The following ATPAF2 variants were observed in gnomAD, a reference collection of about 807,000 sequenced individuals.
The protein encoded by ATPAF2 is ATP12 homolog.
Under a neutral mutation model 36.6 loss-of-function variants are expected in ATPAF2, and 30 were observed. The observed-to-expected ratio is 0.82, with a 90% CI of 0.61 to 1.11. The LOEUF is 1.11. ATPAF2 is among the 50% of genes most tolerant of loss of function. The pLI, the probability that ATPAF2 is intolerant of heterozygous loss-of-function variation, is 0.00. For synonymous variants in ATPAF2, 140 were observed against 152.6 expected, an observed-to-expected ratio of 0.92 and a Z score of 0.61; for missense variants, 321 against 372.3, an observed-to-expected ratio of 0.86 and a Z score of 1.13.
chr17:18,038,919 G>T lies in ATPAF2; in HGVS notation c.95C>A (p.Thr32Asn). 1 of 1,613,962 alleles carries T rather than the reference G, an allele frequency of 6.2e-7. No homozygotes were observed. Among genetic ancestry groups the T allele is most frequent in the Non-Finnish European group, 8.5e-7 (1 of 1,179,892 alleles). Residue 32 changes from threonine (T) to asparagine (N), a missense_variant, in exon 1 of 8, where the codon ACC becomes AAC. Physicochemically the swap from Thr to Asn is moderately conservative, Grantham distance 65. This residue lies in a region of ATPAF2 where 69 missense variants were observed against 60.1 expected (regional missense o/e 1.15). Transcript: ENST00000474627. ...GPSASMSPGP[T>N]IPSPARAYAP... ...GTAAGCCCGGGCTGGAGACGGGATG[G>T]TTGGCCCCGGACTCATAGAAGCGCT...
chr17:18,026,151 GTCC>G, intron 4 of ATPAF2, 165 bp downstream of exon 4: 3 of 710,586 alleles, frequency 4.2e-6, no homozygotes, highest in Non-Finnish European at 7.7e-6. Flanking sequence ...AGCCCGAGGA[GTCC>G]TCCTCCTAAG....
chr17:18,027,328 A>G (rs1377496702), intron 3 of ATPAF2, among the ~76,000 whole-genome samples: 5 of 151,562 alleles, frequency 3.3e-5, no homozygotes, highest in African/African-American at 1.2e-4. Context: ...CTAGGTTGTC[A>G]AGGACCAGGC....
chr17:18,017,449 G>A (rs900193002), downstream of ATPAF2, among the ~76,000 whole-genome samples: 1 of 152,238 alleles, frequency 6.6e-6, no homozygotes, highest in African/African-American at 2.4e-5. Context: ...AGCAGGAGGA[G>A]AGGCTGCAGC....
intron 5 of ATPAF2, among the ~76,000 whole-genome samples, chr17:18,023,972 G>A (rs1208457276): frequency 6.6e-6 from 1 of 152,168 alleles, no homozygotes; most frequent in East Asian, 1.9e-4. Flanking sequence ...ATTCCTGGAA[G>A]CTACATATCC....
At chr17:18,016,480 T>C, downstream of ATPAF2, 4 of 1,087,672 alleles carry the variant, frequency 3.7e-6, no homozygotes, top group Non-Finnish European at 5.5e-6. Flanking sequence ...TATTTTCCCC[T>C]TCCCTCAAAC....
chr17:18,022,408 A>C (rs1449474936), intron 5 of ATPAF2, among the ~76,000 whole-genome samples: 1 of 152,008 alleles, frequency 6.6e-6, no homozygotes, highest in Non-Finnish European at 1.5e-5. Context: ...CAGTCTCCCA[A>C]GTAGCTGGGA....
At chr17:18,019,599 G>C (rs2044439127) in intron 7 of ATPAF2, among the ~76,000 whole-genome samples, 1 of 152,250 alleles carries the variant, frequency 6.6e-6, no homozygotes, top group Non-Finnish European at 1.5e-5. Context: ...AAAAACAAGA[G>C]GGAGGAACGC....
chr17:18,027,517 G>A (rs143286029), intron 3 of ATPAF2, among the ~76,000 whole-genome samples: 8 of 152,192 alleles, frequency 5.3e-5, no homozygotes, highest in Non-Finnish European at 1.0e-4. Flanking sequence ...CCACAGCTCC[G>A]TGAGGTGGGT....
chr17:18,035,968 T>C (rs902378897), intron 1 of ATPAF2, among the ~76,000 whole-genome samples: 1 of 152,216 alleles, frequency 6.6e-6, no homozygotes, highest in Non-Finnish European at 1.5e-5. Flanking sequence ...GCTGAATAGA[T>C]AGGTTTCTCC....
intron 4 of ATPAF2, chr17:18,026,067 C>T (rs1395633951): frequency 3.5e-6 from 2 of 577,678 alleles, no homozygotes; most frequent in Non-Finnish European, 6.2e-6. Flanking sequence ...GCAAGAGCTG[C>T]ATAACCACCC....
At chr17:18,032,725 G>C (rs1297943615) in intron 1 of ATPAF2, among the ~76,000 whole-genome samples, 1 of 152,118 alleles carries the variant, frequency 6.6e-6, no homozygotes, top group Non-Finnish European at 1.5e-5. Context: ...CACTAAACCA[G>C]GCAAACAATA....
intron 1 of ATPAF2, among the ~76,000 whole-genome samples, chr17:18,033,557 G>A (rs2044666267): frequency 6.6e-6 from 1 of 151,898 alleles, no homozygotes; most frequent in African/African-American, 2.4e-5. Flanking sequence ...AGCTTTGTAG[G>A]ATCATGCAGA....
intron 3 of ATPAF2, 55 bp downstream of exon 3, chr17:18,028,177 C>T (rs771569224): frequency 1.2e-6 from 2 of 1,612,386 alleles, no homozygotes; most frequent in African/African-American, 2.7e-5. Context: ...AAGGGTCTAC[C>T]CTACGAAGCC....
Position 18,018,511 on chromosome 17 carries a change from C to T in ATPAF2, c.*38G>A, listed in dbSNP as rs370697942. 6.2e-7 allele frequency: 1 copy of T among 1,610,878 alleles called. No homozygotes were observed. The highest frequency in any genetic ancestry group is 8.5e-7 in the Non-Finnish European group (1 of 1,179,962). On this transcript the variant is annotated 3_prime_UTR_variant, in exon 8 of 8. Coordinates refer to ENST00000474627, the MANE Select transcript of ATPAF2 (RefSeq NM_145691.4). ...CTGAAGGCCGGGGGAGCTGTGGCTG[C>T]ACTGCCTCTATCCTGCTGAGTGTGC...
At chr17:18,016,875 A>C, downstream of ATPAF2, 2 of 75,712 alleles carry the variant, frequency 2.6e-5, no homozygotes, top group East Asian at 6.8e-3. Flanking sequence ...CCTACTCATA[A>C]AAAAAAAAAA....
intron 6 of ATPAF2, 144 bp from the exon 7 acceptor site, chr17:18,021,382 A>C: frequency 1.4e-6 from 1 of 734,624 alleles, no homozygotes; most frequent in South Asian, 1.5e-5. Flanking sequence ...CTGAAAGAGC[A>C]CTCTGGTCTT....
chr17:18,037,985 C>A (rs1163658852), intron 1 of ATPAF2, among the ~76,000 whole-genome samples: 2 of 152,220 alleles, frequency 1.3e-5, no homozygotes, highest in Non-Finnish European at 2.9e-5. Context: ...GTAAGCGATT[C>A]TCTGTGTTCT....
At chr17:18,024,380 C>T (rs2044513315) in intron 5 of ATPAF2, among the ~76,000 whole-genome samples, 1 of 152,132 alleles carries the variant, frequency 6.6e-6, no homozygotes, top group African/African-American at 2.4e-5. Context: ...CAGAGCTGCC[C>T]CTACACTTCA....
intron 1 of ATPAF2, among the ~76,000 whole-genome samples, chr17:18,033,321 C>A (rs2044662706): frequency 6.7e-6 from 1 of 148,766 alleles, no homozygotes; most frequent in Admixed American, 6.7e-5. Context: ...AAGATTGCGC[C>A]ACTGCACCCC....
Sources: allele counts gnomAD v4.1 joint callset (sites outside exome capture counted in the v4.1 genomes callset), GRCh38; gene constraint gnomAD v4.1.1; regional missense constraint gnomAD v4.1.1; transcripts MANE v1.5; gene names NCBI Gene and HGNC (gene_info 2026-07-23, HGNC 2026-07-21).